RYR2: variants seen among roughly 807,000 people sequenced by gnomAD.
RYR2 encodes ryanodine receptor 2.
RYR2 carries 227 observed loss-of-function variants against 601.1 expected under a neutral mutation model. The observed-to-expected ratio is 0.38, with a 90% CI of 0.34 to 0.42. The LOEUF (loss-of-function observed/expected upper bound fraction) is 0.42, where lower values mean the gene tolerates loss of function less well. Ranked by LOEUF, RYR2 falls within the 10% of genes least tolerant of loss-of-function variation. RYR2 has a pLI of 1.00. For missense variants in RYR2, 4,646 were observed against 6,156.5 expected, an observed-to-expected ratio of 0.75 and a Z score of 8.21; for synonymous variants, 2,223 against 2,175.1, an observed-to-expected ratio of 1.02 and a Z score of -0.61.
rs751338097 is a variant in RYR2 at position 237,493,067 on chromosome 1, T to A, written c.1941T>A (p.Arg647=). The change falls in exon 19 of 105, where the codon CGT becomes CGA. Residue 647 remains arginine, a synonymous_variant. Coordinates refer to ENST00000366574, the MANE Select transcript of RYR2 (RefSeq NM_001035.3). ...GAAGAGACTTGTTATTGCAGACACG[T>A]CTTGTGAACCATGTCAGCAGGTAAA... is the stretch of plus-strand genomic sequence containing the variant. ...LPGRDLLLQT[R]LVNHVSSMRP... is the part of the protein sequence containing the mutation. The A allele has an allele frequency of 1.2e-6, 2 of 1,613,696 alleles. No homozygotes were observed. The highest frequency in any genetic ancestry group is 2.2e-5 in the South Asian group (2 of 90,966).
chr1:237,102,542 C>T (rs981238668), intron 1 of RYR2, among the ~76,000 whole-genome samples: 1 of 152,048 alleles, frequency 6.6e-6, no homozygotes, highest in African/African-American at 2.4e-5. Context: ...GATCAGCTGC[C>T]CTGAGAGAAT....
Position 237,830,513 on chromosome 1 carries a change from T to A in RYR2, c.14656-17T>A. The A allele has an allele frequency of 2.0e-6, 3 of 1,475,392 alleles. No individual in the cohort carries two copies. The highest frequency in any genetic ancestry group is 2.8e-6 in the Non-Finnish European group (3 of 1,053,320). 91.4% of individuals were successfully genotyped at this position (1,475,392 alleles called of 1,614,324 possible). On this transcript the variant is annotated splice_polypyrimidine_tract_variant and intron_variant, in intron 102 of 104. Transcript: ENST00000366574. ...GCTTTCTGAACTCTGACGTTAATAT[T>A]TCCCTTTGTTTTCTAGACCAAATGC...
At chr1:237,292,461 G>A (rs954505976) in intron 2 of RYR2, among the ~76,000 whole-genome samples, 2 of 152,164 alleles carry the variant, frequency 1.3e-5, no homozygotes, top group African/African-American at 4.8e-5. Flanking sequence ...CAGGCAGAAT[G>A]AAATCAGGCC....
intron 1 of RYR2, among the ~76,000 whole-genome samples, chr1:237,143,509 G>C (rs543384051): frequency 1.1e-4 from 17 of 152,086 alleles, no homozygotes; most frequent in Non-Finnish European, 1.8e-4. Flanking sequence ...GCTGTCCCCA[G>C]CCTCCCATAA....
At chr1:237,541,785 T>G (rs1669295436) in intron 25 of RYR2, among the ~76,000 whole-genome samples, 1 of 151,890 alleles carries the variant, frequency 6.6e-6, no homozygotes, top group Non-Finnish European at 1.5e-5. Flanking sequence ...GGTCACAAGG[T>G]GTTCAGTGGG....
At chr1:237,781,290 T>C (rs1364423958) in intron 88 of RYR2, among the ~76,000 whole-genome samples, 1 of 152,232 alleles carries the variant, frequency 6.6e-6, no homozygotes, top group Non-Finnish European at 1.5e-5. Flanking sequence ...GCTCAGGTGA[T>C]CTGTGCGCCT....
intron 78 of RYR2, 61 bp downstream of exon 78, chr1:237,732,210 G>T: frequency 3.1e-6 from 3 of 969,322 alleles, no homozygotes; most frequent in Non-Finnish European, 4.9e-6. Context: ...CCGTGTCTGA[G>T]TATTCTGTGC....
At chr1:237,681,895 C>G (rs1685918180) in intron 62 of RYR2, among the ~76,000 whole-genome samples, 1 of 152,166 alleles carries the variant, frequency 6.6e-6, no homozygotes, top group African/African-American at 2.4e-5. Flanking sequence ...ATTGAGGACA[C>G]GTTGAAGTCT....
chr1:237,552,353 G>A (rs550733106), intron 27 of RYR2, among the ~76,000 whole-genome samples: 60 of 152,048 alleles, frequency 3.9e-4, no homozygotes, highest in African/African-American at 1.4e-3. Context: ...TTTTTAAATT[G>A]AAATAGAAAT....
At chr1:237,436,453 C>CATTTTTTTTTTTTTTTTTTTTTT (rs1491092540) in intron 12 of RYR2, among the ~76,000 whole-genome samples, 5 of 55,824 alleles carry the variant, frequency 9.0e-5, no homozygotes, top group Non-Finnish European at 1.6e-4. Flanking sequence ...GTGTGATTTT[C>CATTTTTTTTTTTTTTTTTTTTTT]CTTTTTTTTT....
Position 237,754,401 on chromosome 1 carries a change from C to G in RYR2, c.11146-1887C>G, listed in dbSNP as rs993217439. Among the ~76,000 whole-genome samples the G allele has an allele frequency of 2.0e-5, 3 of 152,272 alleles. 1 individual carries two copies. The highest frequency in any genetic ancestry group is 2.9e-5 in the Non-Finnish European group (2 of 68,010). On this transcript the variant is annotated intron_variant, in intron 80 of 104. Coordinates refer to ENST00000366574, the MANE Select transcript of RYR2 (RefSeq NM_001035.3). The stretch of plus-strand genomic sequence containing the variant: ...GGCAGGTCTTTAACTGATCTTCCCC[C>G]TTTTGGAGCACAAATGGCAAATTGT...
At chr1:237,594,896 T>TTTTG (rs1675665491) in intron 33 of RYR2, among the ~76,000 whole-genome samples, 2 of 20,462 alleles carry the variant, frequency 9.8e-5, no homozygotes, top group African/African-American at 1.5e-4. Context: ...GTTTTTTTTT[T>TTTTG]TTTTTTTTTT....
intron 12 of RYR2, among the ~76,000 whole-genome samples, chr1:237,423,957 G>A (rs1437703486): frequency 6.6e-6 from 1 of 152,080 alleles, no homozygotes; most frequent in African/African-American, 2.4e-5. Flanking sequence ...GAAGCAGGCA[G>A]GTCTTACATG....
chr1:237,235,003 C>A (rs1270278420), intron 1 of RYR2, among the ~76,000 whole-genome samples: 1 of 152,026 alleles, frequency 6.6e-6, no homozygotes, highest in African/African-American at 2.4e-5. Context: ...TAGTAACCCC[C>A]CCTGGGGTTC....
intron 54 of RYR2, among the ~76,000 whole-genome samples, chr1:237,658,461 A>G (rs1573380198): frequency 6.6e-6 from 1 of 151,970 alleles, no homozygotes; most frequent in African/African-American, 2.4e-5. Context: ...GTGTGATCAT[A>G]CCTCACTGCA....
At chr1:237,365,817 G>A (rs1381636915) in intron 5 of RYR2, among the ~76,000 whole-genome samples, 2 of 152,290 alleles carry the variant, frequency 1.3e-5, no homozygotes, top group Non-Finnish European at 2.9e-5. Flanking sequence ...GACATCTGAA[G>A]GTCTCTTGTG....
In RYR2 at chr1:237,552,287, T is replaced by C. The variant is rs191653473; in HGVS notation, c.3214+1596T>C. On this transcript the variant is annotated intron_variant, in intron 27 of 104. Coordinates refer to ENST00000366574, the MANE Select transcript of RYR2 (RefSeq NM_001035.3). Reference sequence around the variant, plus strand: ...AAAAAATGGCAATCAAAGAGACTTCTGTAATTCTCTGATATAGAATAAACC... The same window carrying C: ...AAAAAATGGCAATCAAAGAGACTTCCGTAATTCTCTGATATAGAATAAACC... Among the ~76,000 whole-genome samples, 147 of 152,292 alleles carry C rather than the reference T, an allele frequency of 9.7e-4. 2 individuals are homozygous for C. In the South Asian group the frequency reaches 0.026, roughly 27 times the overall value.
At chr1:237,152,285 C>T (rs566135931) in intron 1 of RYR2, among the ~76,000 whole-genome samples, 14 of 152,182 alleles carry the variant, frequency 9.2e-5, no homozygotes, top group African/African-American at 9.6e-5. Flanking sequence ...TCCATGTCTT[C>T]GCTATTGTGA....
At chr1:237,404,220 A>G (rs546602283) in intron 10 of RYR2, among the ~76,000 whole-genome samples, 18 of 152,310 alleles carry the variant, frequency 1.2e-4, no homozygotes, top group Non-Finnish European at 2.5e-4. Flanking sequence ...CAACACTGCT[A>G]CTGCACTCCA....
Sources: allele counts gnomAD v4.1 joint callset (sites outside exome capture counted in the v4.1 genomes callset), GRCh38; gene constraint gnomAD v4.1.1; transcripts MANE v1.5; gene names NCBI Gene and HGNC (gene_info 2026-07-23, HGNC 2026-07-21).